The following GRAP2 variants were observed in gnomAD, a reference collection of about 807,000 sequenced individuals.
GRAP2 encodes the protein GRB2-related adapter protein 2.
A neutral mutation model predicts 43.5 loss-of-function variants in GRAP2; 31 were observed. The observed-to-expected ratio is 0.71, with a 90% CI of 0.54 to 0.96. The LOEUF is 0.96. Ranked by LOEUF, GRAP2 falls within the 40% of genes least tolerant of loss-of-function variation. The pLI is 0.00. For missense variants in GRAP2, 371 were observed against 424.4 expected, an observed-to-expected ratio of 0.87 and a Z score of 1.11; for synonymous variants, 156 against 164.8, an observed-to-expected ratio of 0.95 and a Z score of 0.41.
chr22:39,960,296 C>G (rs2067105011), intron 4 of GRAP2, 122 bp downstream of exon 4: 2 of 897,992 alleles, frequency 2.2e-6, no homozygotes, highest in African/African-American at 3.3e-5. Context: ...GCCTAGGGGC[C>G]AAGCATGGCA....
chr22:39,919,016 G>C (rs1418485428), intron 1 of GRAP2, among the ~76,000 whole-genome samples: 1 of 152,158 alleles, frequency 6.6e-6, no homozygotes, highest in Non-Finnish European at 1.5e-5. Flanking sequence ...CGTGACTCAT[G>C]CCTGTAATCC....
rs1440940816 is a variant in GRAP2 at position 39,971,959 on chromosome 22, C to G, written c.*875C>G. ...TGGTTACAAGGGTATGTCTTCAGGG[C>G]TCTGTTCATTTTCCCTCTTGATTTT... On this transcript the variant is annotated 3_prime_UTR_variant, in exon 8 of 8. Transcript: ENST00000344138. 1 of 152,230 alleles carries G rather than the reference C, an allele frequency of 6.6e-6. No homozygotes were observed. The highest frequency in any genetic ancestry group is 1.5e-5 in the Non-Finnish European group (1 of 68,050). 9.4% of individuals were successfully genotyped at this position (152,230 alleles called of 1,614,324 possible). A position where few individuals can be genotyped will look rare whatever the true frequency, so the allele number is the denominator to read the frequency against.
At chr22:39,954,497 C>T (rs944292413) in intron 2 of GRAP2, among the ~76,000 whole-genome samples, 2 of 152,128 alleles carry the variant, frequency 1.3e-5, no homozygotes, top group African/African-American at 2.4e-5. Context: ...TGGGTTCAAG[C>T]AATTCTCCTG....
chr22:39,964,535 C>A, intron 4 of GRAP2: 1 of 862,542 alleles, frequency 1.2e-6, no homozygotes, highest in Non-Finnish European at 2.0e-6. Context: ...GGGCCTCTGG[C>A]CACAGGTGGA....
At chr22:39,923,123 G>A (rs1167889769) in intron 1 of GRAP2, among the ~76,000 whole-genome samples, 7 of 152,122 alleles carry the variant, frequency 4.6e-5, no homozygotes, top group African/African-American at 1.4e-4. Flanking sequence ...TGAGAAAGGG[G>A]AGGAAAAGAC....
At chr22:39,946,348 G>A (rs1460194072) in intron 1 of GRAP2, among the ~76,000 whole-genome samples, 1 of 152,124 alleles carries the variant, frequency 6.6e-6, no homozygotes, top group African/African-American at 2.4e-5. Context: ...CTAAAGCACA[G>A]CTCTAGTTCA....
intron 1 of GRAP2, among the ~76,000 whole-genome samples, chr22:39,944,158 G>A (rs2066897599): frequency 6.6e-6 from 1 of 152,266 alleles, no homozygotes. Context: ...CATATTTTTT[G>A]TTGTTGTTTC....
In GRAP2 at chr22:39,968,099, G is replaced by A. The variant is rs1166412928; in HGVS notation, c.517G>A (p.Ala173Thr). The change falls in exon 6 of 8, where the codon GCT becomes ACT. Residue 173 changes from alanine to threonine, a missense_variant. Physicochemically the swap from Ala to Thr is moderately conservative, Grantham distance 58. Coordinates refer to ENST00000344138, the MANE Select transcript of GRAP2 (RefSeq NM_004810.4). ...RSQGGPHLSG[A>T]VGEEIRPSMN... ...CCAGGGAGGCCCACACCTCAGTGGGGCTGTGGGAGAAGAAATCCGACCTTC... is the reference window on the plus strand; with the variant it reads ...CCAGGGAGGCCCACACCTCAGTGGGACTGTGGGAGAAGAAATCCGACCTTC... 6.2e-7 allele frequency: 1 copy of A among 1,611,436 alleles called. No individual in the cohort carries two copies. The highest frequency in any genetic ancestry group is 8.5e-7 in the Non-Finnish European group (1 of 1,178,858).
chr22:39,931,367 G>C (rs553849432), intron 1 of GRAP2, among the ~76,000 whole-genome samples: 6 of 152,284 alleles, frequency 3.9e-5, no homozygotes, highest in Middle Eastern at 6.8e-3. Context: ...AAAGAGAGAA[G>C]ATCATTCAAA....
intron 1 of GRAP2, among the ~76,000 whole-genome samples, chr22:39,939,408 A>G (rs983769172): frequency 1.3e-5 from 2 of 151,890 alleles, no homozygotes; most frequent in East Asian, 3.9e-4. Flanking sequence ...TAAAAATACA[A>G]AAAATTAGCC....
intron 1 of GRAP2, among the ~76,000 whole-genome samples, chr22:39,946,324 A>C (rs972182350): frequency 3.9e-5 from 6 of 152,162 alleles, no homozygotes; most frequent in Admixed American, 1.3e-4. Flanking sequence ...TTACCATTAC[A>C]TCCCCGCTGC....
At chr22:39,959,373 T>C (rs567879862) in intron 3 of GRAP2, among the ~76,000 whole-genome samples, 1 of 152,362 alleles carries the variant, frequency 6.6e-6, no homozygotes, top group African/African-American at 2.4e-5. Flanking sequence ...GCCTGGATTT[T>C]TGGGGCAGGC....
At chr22:39,926,500 A>T in intron 1 of GRAP2, 52 of 528,658 alleles carry the variant, frequency 9.8e-5, no homozygotes, top group South Asian at 1.7e-4. Flanking sequence ...AAAAAAAAAA[A>T]GGAAAAGAGC....
chr22:39,894,426 G>A, the GRAP2 span, among the ~76,000 whole-genome samples: 1 of 112,084 alleles, frequency 8.9e-6, no homozygotes, highest in Non-Finnish European at 1.8e-5. Context: ...GTGGGGTGGG[G>A]GGAGGGGGGA....
At chr22:39,966,996 TCACACA>T (rs10552410) in intron 5 of GRAP2, among the ~76,000 whole-genome samples, 14,463 of 150,840 alleles carry the variant, frequency 0.096, 946 homozygotes, top group Non-Finnish European at 0.14. Context: ...ATGCACACAC[TCACACA>T]CACACACACA....
chr22:39,967,605 C>CT (rs1339602052), intron 5 of GRAP2, among the ~76,000 whole-genome samples: 2 of 152,210 alleles, frequency 1.3e-5, no homozygotes, highest in African/African-American at 4.8e-5. Flanking sequence ...GTTTGGGTCT[C>CT]TATCACCAGG....
chr22:39,904,509 G>A (rs957036218), intron 1 of GRAP2, among the ~76,000 whole-genome samples: 4 of 152,208 alleles, frequency 2.6e-5, no homozygotes, highest in East Asian at 1.9e-4. Flanking sequence ...ACTCTTTGCC[G>A]TATTTGCTCC....
the GRAP2 span, chr22:39,893,843 CA>C: frequency 6.6e-6 from 1 of 152,250 alleles, no homozygotes; most frequent in African/African-American, 2.4e-5. Context: ...GGGCGTCAAG[CA>C]AGATGGTTGC....
chr22:39,936,607 G>A (rs533655787), intron 1 of GRAP2, among the ~76,000 whole-genome samples: 9 of 152,176 alleles, frequency 5.9e-5, no homozygotes, highest in South Asian at 2.1e-4. Context: ...CTTGGAAAAA[G>A]CAGAATATAT....
Sources: gnomAD v4.1 joint callset for allele counts (sites outside exome capture counted in the v4.1 genomes callset) on GRCh38, gnomAD v4.1.1 for gene constraint, MANE v1.5 for transcripts, NCBI Gene and HGNC (gene_info 2026-07-23, HGNC 2026-07-21) for gene names.